Variants in PLXNB1 observed in about 807,000 individuals in gnomAD.
PLXNB1 encodes plexin-B1.
Under a neutral mutation model 209.4 loss-of-function variants are expected in PLXNB1, and 106 were observed. That is an observed-to-expected ratio of 0.51 (90% CI 0.43 to 0.59). The LOEUF (loss-of-function observed/expected upper bound fraction) is 0.59. PLXNB1 is among the 20% of genes least tolerant of loss of function. The pLI is 0.00. For missense variants in PLXNB1, 2,357 were observed against 2,853.2 expected (o/e 0.83, Z 3.96); for synonymous variants, 1,167 against 1,183.2 (o/e 0.99, Z 0.28).
Position 48,416,077 on chromosome 3 carries a change from G to C in PLXNB1, c.3571C>G (p.Arg1191Gly). The change falls in exon 18 of 38, where the codon CGG (arginine) becomes GGG (glycine). Residue 1191 changes from arginine to glycine, a missense_variant. Transcript: ENST00000296440. The surrounding 1 kb of genome is among the most constrained non-coding windows in gnomAD (Gnocchi z 4.1). Reference protein sequence around the residue: ...TLNGSKLLTGRLEDIRVVVGD... With the variant: ...TLNGSKLLTGGLEDIRVVVGD... ...ACCACCACTCGGATGTCCTCCAGCCGCCCAGTCAGGAGCTTGGAGCCATTC... is the reference window on the plus strand; with the variant it reads ...ACCACCACTCGGATGTCCTCCAGCCCCCCAGTCAGGAGCTTGGAGCCATTC... 1.2e-6 allele frequency: 2 copies of C among 1,601,476 alleles called. No homozygotes were observed. The highest frequency in any genetic ancestry group is 1.7e-6 in the Non-Finnish European group (2 of 1,174,300).
Position 48,423,921 on chromosome 3 carries a change from G to A in PLXNB1, c.691C>T (p.Leu231=). The A allele has an allele frequency of 6.2e-7, 1 of 1,614,174 alleles. No individual in the cohort carries two copies. Among genetic ancestry groups the A allele is most frequent in the Admixed American group, 1.7e-5 (1 of 60,030 alleles). ...AFARGASAYF[L]FLRRDLQAQS... Reference sequence around the variant, plus strand: ...GCCTGCAGGTCCCGCCGCAGGAACAGGAAGTAGGCGCTGGCCCCACGTGCA... The same window carrying A: ...GCCTGCAGGTCCCGCCGCAGGAACAAGAAGTAGGCGCTGGCCCCACGTGCA... Residue 231 remains leucine, a synonymous_variant, in exon 3 of 38, where the codon CTG becomes TTG. Transcript: ENST00000296440.
At chr3:48,421,188 G>GGGGCTGGCCCCCACC (rs2038492419) in intron 8 of PLXNB1, 40 bp downstream of exon 8, 1 of 1,595,496 alleles carries the variant, frequency 6.3e-7, no homozygotes, top group South Asian at 1.1e-5. Flanking sequence ...CCCTGAAGCA[G>GGGGCTGGCCCCCACC]GGGCTGGCCC....
In PLXNB1 at chr3:48,429,569, C is replaced by T. The variant is rs1575418629; in HGVS notation, c.-60+439G>A. 6.6e-6 allele frequency: 1 copy of T among 151,664 alleles called. No individual in the cohort carries two copies. The highest frequency in any genetic ancestry group is 2.1e-4 in the South Asian group (1 of 4,822). The allele number at this position is 151,664 out of a possible 1,614,324, so 9.4% of individuals were successfully genotyped here. A position where few individuals can be genotyped will look rare whatever the true frequency, so the allele number is the denominator to read the frequency against. On this transcript the variant is annotated intron_variant, in intron 1 of 37. Transcript: ENST00000296440. This position sits in a 1 kb window ranked among gnomAD's most constrained non-coding sequence, Gnocchi z 6.4. Reference sequence around the variant, plus strand: ...GAGCCGGGCGCGCGGCCCCGAACCGCCCGGGACCCCGCATTCCAGCCCCGC... The same window carrying T: ...GAGCCGGGCGCGCGGCCCCGAACCGTCCGGGACCCCGCATTCCAGCCCCGC...
chr3:48,412,545 C>T lies in PLXNB1; in HGVS notation c.4930G>A (p.Ala1644Thr). The change falls in exon 26 of 38, where the codon GCA (alanine) becomes ACA (threonine). Residue 1644 changes from alanine (A) to threonine (T), a missense_variant. Ala to Thr is a moderately conservative substitution (Grantham distance 58, BLOSUM62 0). Coordinates refer to ENST00000296440, the MANE Select transcript of PLXNB1 (RefSeq NM_001130082.3). Reference sequence around the variant, plus strand: ...AAATACTCAAGCTTCCCATGCAGTGCCACGGTGAGCAGAGATGCCACGTAG... The same window carrying T: ...AAATACTCAAGCTTCCCATGCAGTGTCACGGTGAGCAGAGATGCCACGTAG... ...RAYVASLLTV[A>T]LHGKLEYFTD... The T allele has an allele frequency of 6.2e-7, 1 of 1,613,664 alleles. No individual in the cohort carries two copies. Among genetic ancestry groups the T allele is most frequent in the Non-Finnish European group, 8.5e-7 (1 of 1,180,042 alleles).
Position 48,406,522 on chromosome 3 carries a change from C to T in PLXNB1, c.6228+301G>A, listed in dbSNP as rs193191113. The T allele has an allele frequency of 6.0e-4, 581 of 962,678 alleles. No homozygotes were observed. Among genetic ancestry groups the T allele is most frequent in the Admixed American group, 2.8e-3 (45 of 16,264 alleles). The allele number at this position is 962,678 out of a possible 1,614,324, so 59.6% of individuals were successfully genotyped here. ...CAAGGGAAGCACAGCAGTGGGAAGA[C>T]GCATGCAGGCAGACCCAGGCAGGCC... is the stretch of plus-strand genomic sequence containing the variant. On this transcript the variant is annotated intron_variant, in intron 36 of 37. Coordinates refer to ENST00000296440, the MANE Select transcript of PLXNB1 (RefSeq NM_001130082.3). The surrounding 1 kb of genome is among the most constrained non-coding windows in gnomAD (Gnocchi z 4.4).
Position 48,415,691 on chromosome 3 carries a change from G to A in PLXNB1, c.3686C>T (p.Pro1229Leu), listed in dbSNP as rs1287933420. Reference protein sequence around the residue: ...TSPRPTPATLPVAVWFGATER... With the variant: ...TSPRPTPATLLVAVWFGATER... The stretch of plus-strand genomic sequence containing the variant: ...CGTGGCCCCAAACCACACAGCCACA[G>A]GGAGCGTGGCAGGCGTGGGGCGTGG... Residue 1229 changes from proline to leucine, a missense_variant, in exon 19 of 38, where the codon CCT becomes CTT. By Grantham distance (98) the Pro-to-Leu change is moderately conservative. Coordinates refer to ENST00000296440, the MANE Select transcript of PLXNB1 (RefSeq NM_001130082.3). The surrounding 1 kb of genome is among the most constrained non-coding windows in gnomAD (Gnocchi z 5.0). 1 of 1,557,850 alleles carries A rather than the reference G, an allele frequency of 6.4e-7. No individual in the cohort carries two copies. Among genetic ancestry groups the A allele is most frequent in the Non-Finnish European group, 8.7e-7 (1 of 1,150,130 alleles).
Position 48,420,114 on chromosome 3 carries a change from G to C in PLXNB1, c.2172C>G (p.Ile724Met). 1 of 1,609,216 alleles carries C rather than the reference G, an allele frequency of 6.2e-7. No individual in the cohort carries two copies. The highest frequency in any genetic ancestry group is 1.7e-4 in the Middle Eastern group (1 of 6,052). Residue 724 changes from isoleucine (I) to methionine (M), a missense_variant, in exon 11 of 38, where the codon ATC becomes ATG. Ile to Met is a conservative substitution (Grantham distance 10, BLOSUM62 1). Coordinates refer to ENST00000296440, the MANE Select transcript of PLXNB1 (RefSeq NM_001130082.3). ...GAPSTATASD[I>M]SPGASPSLLS... is the part of the protein sequence containing the mutation. ...GCAGGGAAGGACTAGCCCCAGGTGA[G>C]ATGTCCGAAGCTGTGGCTGTGGAGG...
chr3:48,424,972 G>A (rs895452033), intron 2 of PLXNB1, among the ~76,000 whole-genome samples: 1 of 152,218 alleles, frequency 6.6e-6, no homozygotes, highest in African/African-American at 2.4e-5. Context: ...GCAGGTGATG[G>A]GAAGGAGGGG....
chr3:48,413,124 G>T lies in PLXNB1; in HGVS notation c.4581C>A (p.Ile1527=), dbSNP rs1181048331. The T allele has an allele frequency of 6.2e-7, 1 of 1,613,650 alleles. No homozygotes were observed. The part of the protein sequence containing the change: ...QALRDYKKVQ[I]QLENLESSVR... ...CACTGCTCTCCAGATTCTCCAGCTG[G>T]ATCTGAACCTTCTTATAGTCCCTCA... Residue 1527 remains isoleucine (I), a synonymous_variant, in exon 24 of 38, where the codon ATC becomes ATA. Transcript: ENST00000296440. The surrounding 1 kb of genome is among the most constrained non-coding windows in gnomAD (Gnocchi z 5.4).
chr3:48,423,033 C>T (rs572023333), intron 3 of PLXNB1, 86 bp from the exon 4 acceptor site: 275 of 1,208,452 alleles, frequency 2.3e-4, no homozygotes, highest in Non-Finnish European at 2.9e-4. Context: ...TTCCCTCCCC[C>T]AGCCGCTCTG....
In PLXNB1 at chr3:48,429,157, A is replaced by C. The variant is rs575896992; in HGVS notation, c.-60+851T>G. ...TCAAAACCAAAGCCGCCCACCACTC[A>C]CCCAGGCCGCCCCTGCCCGGCGGGA... On this transcript the variant is annotated intron_variant, in intron 1 of 37. Transcript: ENST00000296440. The surrounding 1 kb of genome is among the most constrained non-coding windows in gnomAD (Gnocchi z 6.4). 2 of 151,874 alleles carry C rather than the reference A, an allele frequency of 1.3e-5. No individual in the cohort carries two copies. Among genetic ancestry groups the C allele is most frequent in the Non-Finnish European group, 2.9e-5 (2 of 67,982 alleles). The allele number at this position is 151,874 out of a possible 1,614,324, so 9.4% of individuals were successfully genotyped here.
In PLXNB1 at chr3:48,420,967, GGA is replaced by G; in HGVS notation, c.1811-13_1811-12del. On this transcript the variant is annotated splice_polypyrimidine_tract_variant and intron_variant, in intron 8 of 37. Transcript: ENST00000296440. ...TCACGGATACGTAGTCTGCAGAGGG[GGA>G]GAGAGGGCCAGGGTTAAGCAGCAAG... 6.2e-7 allele frequency: 1 copy of G among 1,605,312 alleles called. No individual in the cohort carries two copies. Among genetic ancestry groups the G allele is most frequent in the Non-Finnish European group, 8.5e-7 (1 of 1,172,548 alleles).
chr3:48,422,413 C>T lies in PLXNB1; in HGVS notation c.1337G>A (p.Ser446Asn), dbSNP rs148423378. ...GCTCACTGCAGACCCCTGCTGGATGCTCTGTGTGGAGTATGGGTGGCCATC... is the reference window on the plus strand; with the variant it reads ...GCTCACTGCAGACCCCTGCTGGATGTTCTGTGTGGAGTATGGGTGGCCATC... Reference protein sequence around the residue: ...GSDGHPYSTQSIQQGSAVSRD... With the variant: ...GSDGHPYSTQNIQQGSAVSRD... The change falls in exon 5 of 38, where the codon AGC becomes AAC. Residue 446 changes from serine (S) to asparagine (N), a missense_variant. Around this residue, in one of 7 missense-constraint regions of PLXNB1, gnomAD observed 404 missense variants for 443.6 expected, o/e 0.91. Coordinates refer to ENST00000296440, the MANE Select transcript of PLXNB1 (RefSeq NM_001130082.3). The T allele has an allele frequency of 2.5e-6, 4 of 1,603,048 alleles. No individual in the cohort carries two copies. Among genetic ancestry groups the T allele is most frequent in the African/African-American group, 1.3e-5 (1 of 74,898 alleles).
Position 48,409,421 on chromosome 3 carries a change from C to A in PLXNB1, c.5995G>T (p.Val1999Leu). ...IIKNPQFVFDVQTSDNMDAVL... is the reference protein window; with the variant it reads ...IIKNPQFVFDLQTSDNMDAVL... ...GCATCCATGTTATCAGATGTTTGCA[C>A]GTCGAACACAAACTGCGGGTTTTTT... The change falls in exon 34 of 38, where the codon GTG becomes TTG. Residue 1999 changes from valine to leucine, a missense_variant. Physicochemically the swap from Val to Leu is conservative, Grantham distance 32. This residue lies in a region of PLXNB1 where 414 missense variants were observed against 520.5 expected (regional missense o/e 0.80). Coordinates refer to ENST00000296440, the MANE Select transcript of PLXNB1 (RefSeq NM_001130082.3). This position sits in a 1 kb window ranked among gnomAD's most constrained non-coding sequence, Gnocchi z 5.8. 1.2e-6 allele frequency: 2 copies of A among 1,614,186 alleles called. No homozygotes were observed. Among genetic ancestry groups the A allele is most frequent in the East Asian group, 2.2e-5 (1 of 44,882 alleles).
rs2037256335 is a variant in PLXNB1 at position 48,405,443 on chromosome 3, T to A, written c.6303+281A>T. 6.6e-6 allele frequency among the ~76,000 whole-genome samples: 1 copy of A among 152,082 alleles called. No homozygotes were observed. The highest frequency in any genetic ancestry group is 2.4e-5 in the African/African-American group (1 of 41,422). ...GCCAACTCAGCAAATGCACACCATC[T>A]CCAGGCCCTGGTAGACCCCTTGGCC... On this transcript the variant is annotated intron_variant, in intron 37 of 37. Coordinates refer to ENST00000296440, the MANE Select transcript of PLXNB1 (RefSeq NM_001130082.3). This position sits in a 1 kb window ranked among gnomAD's most constrained non-coding sequence, Gnocchi z 5.0.
Position 48,420,005 on chromosome 3 carries a change from G to A in PLXNB1, c.2281C>T (p.Pro761Ser), listed in dbSNP as rs761210213. The A allele has an allele frequency of 8.1e-6, 13 of 1,601,990 alleles. No individual in the cohort carries two copies. Among genetic ancestry groups the A allele is most frequent in the African/African-American group, 1.3e-5 (1 of 74,648 alleles). Residue 761 changes from proline to serine, a missense_variant, in exon 11 of 38, where the codon CCT becomes TCT. Physicochemically the swap from Pro to Ser is moderately conservative, Grantham distance 74. Around this residue, in one of 7 missense-constraint regions of PLXNB1, gnomAD observed 410 missense variants for 401.0 expected, o/e 1.02. Coordinates refer to ENST00000296440, the MANE Select transcript of PLXNB1 (RefSeq NM_001130082.3). ...TGSPLHEEPS[P>S]PSPQNGPGTA... ...CCAGGTCCATTTTGGGGGCTGGGAG[G>A]GGAGGGCTCCTCATGGAGAGGCGAC...
At position 48,419,382 on chromosome 3, in the gene PLXNB1, G is replaced by A; in HGVS notation, c.2710-16C>T. On this transcript the variant is annotated splice_polypyrimidine_tract_variant and intron_variant, in intron 11 of 37. Coordinates refer to ENST00000296440, the MANE Select transcript of PLXNB1 (RefSeq NM_001130082.3). The surrounding 1 kb of genome is among the most constrained non-coding windows in gnomAD (Gnocchi z 5.7). ...TCGCCTCTTCCTGCAGGCACCAAGG[G>A]CAAGGCAGTCTATGGAGCCCACCCT... The A allele has an allele frequency of 1.3e-6, 2 of 1,546,186 alleles. No homozygotes were observed. Among genetic ancestry groups the A allele is most frequent in the African/African-American group, 1.4e-5 (1 of 73,008 alleles).
In PLXNB1 at chr3:48,406,113, C is replaced by G. The variant is rs150936174; in HGVS notation, c.6229-315G>C. On this transcript the variant is annotated intron_variant, in intron 36 of 37. Transcript: ENST00000296440. The surrounding 1 kb of genome is among the most constrained non-coding windows in gnomAD (Gnocchi z 4.4). ...CACCCCCTTGAGGTTCTAGCCCAGACCCTCTGCCACCCAGATGACTCCAGA... is the reference window on the plus strand; with the variant it reads ...CACCCCCTTGAGGTTCTAGCCCAGAGCCTCTGCCACCCAGATGACTCCAGA... 1 of 304,840 alleles carries G rather than the reference C, an allele frequency of 3.3e-6. No homozygotes were observed. The highest frequency in any genetic ancestry group is 8.5e-5 in the East Asian group (1 of 11,808). 18.9% of individuals were successfully genotyped at this position (304,840 alleles called of 1,614,324 possible).
intron 1 of PLXNB1, among the ~76,000 whole-genome samples, chr3:48,427,341 C>T (rs2038947400): frequency 6.6e-6 from 1 of 152,120 alleles, no homozygotes; most frequent in Non-Finnish European, 1.5e-5. Flanking sequence ...TGAATCAGGA[C>T]CTAGCACCCC....
Sources: allele counts gnomAD v4.1 joint callset (sites outside exome capture counted in the v4.1 genomes callset), GRCh38; gene constraint gnomAD v4.1.1; regional missense constraint gnomAD v4.1.1; non-coding constraint Gnocchi (gnomAD v3.1); transcripts MANE v1.5; gene names NCBI Gene and HGNC (gene_info 2026-07-23, HGNC 2026-07-21).